CAMK4: variants seen among roughly 807,000 people sequenced by gnomAD.
The protein encoded by CAMK4 is calcium/calmodulin dependent protein kinase IV, also known as calcium/calmodulin-dependent protein kinase type IV.
A neutral mutation model predicts 44.9 loss-of-function variants in CAMK4; 22 were observed. That is an observed-to-expected ratio of 0.49 (90% CI 0.35 to 0.70). CAMK4 has a LOEUF of 0.70. Among genes scored for constraint, CAMK4 ranks in the 30% least tolerant of loss-of-function variants. CAMK4 has a pLI of 0.01. For missense variants in CAMK4, 498 were observed against 586.8 expected (o/e 0.85, Z 1.56); for synonymous variants, 218 against 215.4 (o/e 1.01, Z -0.11).
chr5:111,258,576 T>G (rs563710714), intron 1 of CAMK4, among the ~76,000 whole-genome samples: 30 of 152,228 alleles, frequency 2.0e-4, no homozygotes, highest in Non-Finnish European at 3.8e-4. Flanking sequence ...TGATTCACTA[T>G]CATGAGAATA....
intron 1 of CAMK4, among the ~76,000 whole-genome samples, chr5:111,329,006 G>A (rs1359074795): frequency 1.3e-5 from 2 of 151,862 alleles, no homozygotes; most frequent in African/African-American, 4.8e-5. Flanking sequence ...GAATGCAGCA[G>A]CACATCAAAA....
rs1178062208 is a variant in CAMK4, at chr5:111,329,910, G to C, written c.162-14114G>C. On this transcript the variant is annotated intron_variant, in intron 1 of 10. Coordinates refer to ENST00000282356, the MANE Select transcript of CAMK4 (RefSeq NM_001744.6). ...CATTTTTATTGATGAAAAACTGAAT[G>C]CTTTCACTTTAAGATCAGGAATAAG... Among the ~76,000 whole-genome samples the C allele has an allele frequency of 2.0e-5, 3 of 151,636 alleles. No individual in the cohort carries two copies. In the Admixed American group the frequency reaches 2.0e-4, roughly 10 times the overall value.
intron 5 of CAMK4, among the ~76,000 whole-genome samples, chr5:111,412,570 TG>T (rs1410257120): frequency 6.6e-6 from 1 of 152,188 alleles, no homozygotes; most frequent in Non-Finnish European, 1.5e-5. Flanking sequence ...AAGAATGCAT[TG>T]TAATCCATGA....
intron 8 of CAMK4, among the ~76,000 whole-genome samples, chr5:111,476,619 T>A (rs1755256014): frequency 6.6e-6 from 1 of 152,054 alleles, no homozygotes; most frequent in Non-Finnish European, 1.5e-5. Flanking sequence ...ACCACCAGGC[T>A]ATTGATGGGG....
At chr5:111,365,108 A>C (rs902230360) in intron 2 of CAMK4, 1 of 152,250 alleles carries the variant, frequency 6.6e-6, no homozygotes, top group Non-Finnish European at 1.5e-5. Flanking sequence ...AAAGGACCCA[A>C]CAGTGGAGAC....
At chr5:111,313,745 C>T (rs558299658) in intron 1 of CAMK4, among the ~76,000 whole-genome samples, 58 of 152,120 alleles carry the variant, frequency 3.8e-4, no homozygotes, top group Non-Finnish European at 6.3e-4. Context: ...CAAAGAAAAA[C>T]CCCTCTCTTT....
In CAMK4 at chr5:111,269,212, A is replaced by G. The variant is rs557659409; in HGVS notation, c.161+44568A>G. 2.6e-4 allele frequency among the ~76,000 whole-genome samples: 39 copies of G among 152,324 alleles called. 1 individual carries two copies. The highest frequency in any genetic ancestry group is 1.9e-3 in the East Asian group (10 of 5,188). ...TCTGTATGTGAGCTGATCTTCTGCAATGAGTAGTGGGGGTTTGTGAAGGGT... is the reference window on the plus strand; with the variant it reads ...TCTGTATGTGAGCTGATCTTCTGCAGTGAGTAGTGGGGGTTTGTGAAGGGT... On this transcript the variant is annotated intron_variant, in intron 1 of 10. Transcript: ENST00000282356.
At position 111,344,018 on chromosome 5, in the gene CAMK4, C is replaced by T. The variant is rs766514503; in HGVS notation, c.162-6C>T. On this transcript the variant is annotated splice_region_variant and splice_polypyrimidine_tract_variant and intron_variant, in intron 1 of 10. Transcript: ENST00000282356. ...ACATTTTCTTTTTGTCTTTTTCCCCCTCAAGGGGTGCTACATCCATTGTGT... is the reference window on the plus strand; with the variant it reads ...ACATTTTCTTTTTGTCTTTTTCCCCTTCAAGGGGTGCTACATCCATTGTGT... The T allele has an allele frequency of 1.3e-6, 2 of 1,573,366 alleles. No individual in the cohort carries two copies. Among genetic ancestry groups the T allele is most frequent in the South Asian group, 1.1e-5 (1 of 88,600 alleles).
At chr5:111,446,120 T>C (rs1358993945) in intron 5 of CAMK4, among the ~76,000 whole-genome samples, 1 of 152,268 alleles carries the variant, frequency 6.6e-6, no homozygotes, top group African/African-American at 2.4e-5. Flanking sequence ...AACATCTATA[T>C]TGACAGTTAG....
chr5:111,274,979 A>C (rs1343679368), intron 1 of CAMK4, among the ~76,000 whole-genome samples: 2 of 151,916 alleles, frequency 1.3e-5, no homozygotes, highest in Admixed American at 1.3e-4. Flanking sequence ...GTTGCTCTTG[A>C]CTTTTTTCTT....
rs563452417 is a variant in CAMK4 at position 111,328,558 on chromosome 5, G to A, written c.162-15466G>A. ...TCCGAATCTGTGAAGAAAGTCATTG[G>A]TAGCTTGATGGGGATGGCATTGAAT... On this transcript the variant is annotated intron_variant, in intron 1 of 10. Transcript: ENST00000282356. Among the ~76,000 whole-genome samples, 9 of 152,188 alleles carry A rather than the reference G, an allele frequency of 5.9e-5. 1 individual carries two copies. The highest frequency in any genetic ancestry group is 5.8e-4 in the East Asian group (3 of 5,168).
chr5:111,226,854 A>G (rs981310332), intron 1 of CAMK4, among the ~76,000 whole-genome samples: 20 of 152,230 alleles, frequency 1.3e-4, no homozygotes, highest in African/African-American at 4.8e-4. Flanking sequence ...ACTGAATGCT[A>G]TCACTTTCCC....
At chr5:111,374,496 T>G (rs1017338630) in intron 2 of CAMK4, among the ~76,000 whole-genome samples, 1 of 152,080 alleles carries the variant, frequency 6.6e-6, no homozygotes, top group African/African-American at 2.4e-5. Flanking sequence ...ACGGCTCCAC[T>G]GGGGTTTAGA....
chr5:111,406,067 C>CT (rs36066971), intron 5 of CAMK4, among the ~76,000 whole-genome samples: 117,161 of 149,490 alleles, frequency 0.78, 45,987 homozygotes, highest in South Asian at 0.91. Flanking sequence ...GCATTACATT[C>CT]TTTTTTTTTT....
rs1420365279 is a variant in CAMK4, at chr5:111,487,336, C to A, written c.*2870C>A. The A allele has an allele frequency of 6.6e-6, 1 of 151,864 alleles. No individual in the cohort carries two copies. Among genetic ancestry groups the A allele is most frequent in the Non-Finnish European group, 1.5e-5 (1 of 67,954 alleles). 9.4% of individuals were successfully genotyped at this position (151,864 alleles called of 1,614,324 possible). The stretch of plus-strand genomic sequence containing the variant: ...GCATAAACTAGGTTTTTTTTTATAA[C>A]CATGAAGGACAGTCTTGAATTATTT... On this transcript the variant is annotated 3_prime_UTR_variant, in exon 11 of 11. Coordinates refer to ENST00000282356, the MANE Select transcript of CAMK4 (RefSeq NM_001744.6).
At chr5:111,235,720 G>C (rs1341406838) in intron 1 of CAMK4, among the ~76,000 whole-genome samples, 1 of 152,232 alleles carries the variant, frequency 6.6e-6, no homozygotes, top group African/African-American at 2.4e-5. Flanking sequence ...GGAATGTCAG[G>C]ACTGAGCTAA....
At chr5:111,231,472 T>G (rs1410914068) in intron 1 of CAMK4, among the ~76,000 whole-genome samples, 2 of 152,296 alleles carry the variant, frequency 1.3e-5, no homozygotes, top group East Asian at 3.9e-4. Context: ...CTCTAAACAT[T>G]GTCAAATGTG....
chr5:111,484,047 G>A lies in CAMK4; in HGVS notation c.1003G>A (p.Ala335Thr). ...KLKAAVKAVV[A>T]SSRLGSASSS... ...TCAGGCAGCGGTGAAGGCTGTGGTG[G>A]CCTCTTCGCGCCTGGGAAGTGCCAG... The change falls in exon 11 of 11, where the codon GCC (alanine) becomes ACC (threonine). Residue 335 changes from alanine to threonine, a missense_variant. Around this residue, in one of 3 missense-constraint regions of CAMK4, gnomAD observed 203 missense variants for 298.2 expected, o/e 0.68. Transcript: ENST00000282356. The surrounding 1 kb of genome is among the most constrained non-coding windows in gnomAD (Gnocchi z 5.3). 2 of 1,594,422 alleles carry A rather than the reference G, an allele frequency of 1.3e-6. No homozygotes were observed. Among genetic ancestry groups the A allele is most frequent in the Non-Finnish European group, 1.7e-6 (2 of 1,170,122 alleles).
At chr5:111,401,777 C>T (rs1048846436) in intron 5 of CAMK4, among the ~76,000 whole-genome samples, 3 of 152,136 alleles carry the variant, frequency 2.0e-5, no homozygotes, top group African/African-American at 7.2e-5. Context: ...GAAACAGCTA[C>T]CCCTAGGACT....
Sources: allele counts gnomAD v4.1 joint callset (sites outside exome capture counted in the v4.1 genomes callset), GRCh38; gene constraint gnomAD v4.1.1; regional missense constraint gnomAD v4.1.1; non-coding constraint Gnocchi (gnomAD v3.1); transcripts MANE v1.5; gene names NCBI Gene and HGNC (gene_info 2026-07-23, HGNC 2026-07-21).